TLCD3B: variants seen among roughly 807,000 people sequenced by gnomAD.
The protein encoded by TLCD3B is TLC domain containing 3B, also known as ceramide synthase.
TLCD3B carries 9 observed loss-of-function variants against 23.0 expected under a neutral mutation model. The ratio of observed to expected loss-of-function variants is 0.39; its 90% CI spans 0.24 to 0.68. TLCD3B has a LOEUF of 0.68. TLCD3B is among the 30% of genes least tolerant of loss of function. The pLI, the probability that TLCD3B is intolerant of heterozygous loss-of-function variation, is 0.44. For synonymous variants in TLCD3B, 161 were observed against 161.0 expected (o/e 1.00, Z 0.00); for missense variants, 307 against 371.8 (o/e 0.83, Z 1.43).
At chr16:30,040,147 A>AAAAAATATATATAT in intron 3 of TLCD3B, among the ~76,000 whole-genome samples, 9 of 95,906 alleles carry the variant, frequency 9.4e-5, no homozygotes, top group Non-Finnish European at 1.6e-4. Context: ...AAAAAAAAAA[A>AAAAAATATATATAT]ATATATATAT....
In TLCD3B at chr16:30,030,869, G is replaced by A; in HGVS notation, c.-342C>T. 1 of 861,976 alleles carries A rather than the reference G, an allele frequency of 1.2e-6. No individual in the cohort carries two copies. The highest frequency in any genetic ancestry group is 1.4e-6 in the Non-Finnish European group (1 of 713,750). The allele number at this position is 861,976 out of a possible 1,614,324, so 53.4% of individuals were successfully genotyped here. ...AGGAGGAGGATGCGGATGGGGGAGGGGAGGGAGCCACCAGGCAGGTGGGGA... is the reference window on the plus strand; with the variant it reads ...AGGAGGAGGATGCGGATGGGGGAGGAGAGGGAGCCACCAGGCAGGTGGGGA... On this transcript the variant is annotated 5_prime_UTR_variant, in exon 1 of 5. Coordinates refer to ENST00000380495, the MANE Select transcript of TLCD3B (RefSeq NM_031478.6).
At chr16:30,028,305 C>T (rs761647178) in intron 2 of TLCD3B, among the ~76,000 whole-genome samples, 4 of 152,058 alleles carry the variant, frequency 2.6e-5, no homozygotes, top group Non-Finnish European at 5.9e-5. Flanking sequence ...CAGCTGCTGC[C>T]CTGGATTAAC....
At chr16:30,040,131 C>T (rs1438510668) in intron 3 of TLCD3B, among the ~76,000 whole-genome samples, 1 of 43,096 alleles carries the variant, frequency 2.3e-5, no homozygotes, top group Non-Finnish European at 4.3e-5. Context: ...AAGACTTTGT[C>T]TCAAAAAAAA....
chr16:30,045,340 GTT>G (rs1322526465), intron 2 of TLCD3B, among the ~76,000 whole-genome samples: 3 of 141,536 alleles, frequency 2.1e-5, no homozygotes, highest in African/African-American at 5.2e-5. Context: ...GTTTGTGTGT[GTT>G]TGTGTGTGTG....
intron 1 of TLCD3B, among the ~76,000 whole-genome samples, chr16:30,051,726 G>A (rs1272978956): frequency 2.0e-5 from 3 of 152,072 alleles, no homozygotes; most frequent in Admixed American, 6.6e-5. Context: ...TGAGAAGTGC[G>A]AGAACAACAG....
intron 1 of TLCD3B, 77 bp downstream of exon 1, chr16:30,030,326 G>C: frequency 7.1e-7 from 1 of 1,410,550 alleles, no homozygotes; most frequent in Non-Finnish European, 9.7e-7. Context: ...TGAGGGTCCA[G>C]AGAAGTGCCA....
rs1174500430 is a variant in TLCD3B, at chr16:30,029,623, C to T, written c.126-108G>A. On this transcript the variant is annotated intron_variant, in intron 1 of 4. Coordinates refer to ENST00000380495, the MANE Select transcript of TLCD3B (RefSeq NM_031478.6). The surrounding 1 kb of genome is among the most constrained non-coding windows in gnomAD (Gnocchi z 4.6). ...CTGCGCTTTGCGTTCAGCCACTTCT[C>T]GGGCCAGTCCTTGCCTGCCTTCGCC... The T allele has an allele frequency of 3.1e-6, 3 of 959,410 alleles. No homozygotes were observed. Among genetic ancestry groups the T allele is most frequent in the African/African-American group, 1.6e-5 (1 of 61,764 alleles). 59.4% of individuals were successfully genotyped at this position (959,410 alleles called of 1,614,324 possible).
intron 3 of TLCD3B, 149 bp downstream of exon 3, chr16:30,026,460 C>A (rs1249803988): frequency 5.6e-6 from 4 of 717,684 alleles, no homozygotes; most frequent in Non-Finnish European, 9.2e-6. Flanking sequence ...GCTCAGTGAA[C>A]CCTGCCTGTC....
upstream of TLCD3B, among the ~76,000 whole-genome samples, chr16:30,033,982 T>C (rs1326689876): frequency 6.6e-6 from 1 of 150,700 alleles, no homozygotes; most frequent in Non-Finnish European, 1.5e-5. Context: ...ATAAAAAGAA[T>C]TGGGAGACAG....
chr16:30,030,856 C>T lies in TLCD3B; in HGVS notation c.-329G>A, dbSNP rs2071337071. ...AAGAGGGGACAGGAGGAGGAGGATG[C>T]GGATGGGGGAGGGGAGGGAGCCACC... is the stretch of plus-strand genomic sequence containing the variant. On this transcript the variant is annotated 5_prime_UTR_variant, in exon 1 of 5. Transcript: ENST00000380495. The T allele has an allele frequency of 1.9e-5, 14 of 741,728 alleles. No individual in the cohort carries two copies. Among genetic ancestry groups the T allele is most frequent in the African/African-American group, 4.9e-5 (2 of 40,460 alleles). 45.9% of individuals were successfully genotyped at this position (741,728 alleles called of 1,614,324 possible). A position where few individuals can be genotyped will look rare whatever the true frequency, so the allele number is the denominator to read the frequency against.
In TLCD3B at chr16:30,029,493, T is replaced by C. The variant is rs768206359; in HGVS notation, c.148A>G (p.Ile50Val). The C allele has an allele frequency of 6.2e-7, 1 of 1,613,834 alleles. No homozygotes were observed. Among genetic ancestry groups the C allele is most frequent in the Non-Finnish European group, 8.5e-7 (1 of 1,179,926 alleles). ...ATGTAGCCGGCAGTGGAGGCCATGA[T>C]GGCCTGGACAGAGGACACCAGCCTG... ...SARLVSSVQA[I>V]MASTAGYIVS... The change falls in exon 2 of 5, where the codon ATC becomes GTC. Residue 50 changes from isoleucine to valine, a missense_variant. Coordinates refer to ENST00000380495, the MANE Select transcript of TLCD3B (RefSeq NM_031478.6). This position sits in a 1 kb window ranked among gnomAD's most constrained non-coding sequence, Gnocchi z 4.6.
chr16:30,035,800 T>TG (rs2150988933), upstream of TLCD3B, among the ~76,000 whole-genome samples: 3 of 151,580 alleles, frequency 2.0e-5, no homozygotes, highest in South Asian at 6.3e-4. Flanking sequence ...CTTACTCTTG[T>TG]TGCCCAGGCT....
Position 30,025,188 on chromosome 16 carries a change from C to T in TLCD3B, c.820G>A (p.Asp274Asn). 6.8e-7 allele frequency: 1 copy of T among 1,470,554 alleles called. No individual in the cohort carries two copies. The highest frequency in any genetic ancestry group is 9.0e-7 in the Non-Finnish European group (1 of 1,116,600). 91.1% of individuals were successfully genotyped at this position (1,470,554 alleles called of 1,614,324 possible). A position where few individuals can be genotyped will look rare whatever the true frequency, so the allele number is the denominator to read the frequency against. The change falls in exon 5 of 5, where the codon GAC (aspartate) becomes AAC (asparagine). Residue 274 changes from aspartate to asparagine, a missense_variant. By Grantham distance (23) the Asp-to-Asn change is conservative (BLOSUM62 1). Transcript: ENST00000380495. The surrounding 1 kb of genome is among the most constrained non-coding windows in gnomAD (Gnocchi z 4.1). ...SRPPPACQAQD is the reference protein window; with the variant it reads ...SRPPPACQAQN ...GAGGGTCCCGGCCCCCGGCCTCAGT[C>T]CTGGGCCTGGCAGGCCGGGGGCGGC...
rs2071164113 is a variant in TLCD3B, at chr16:30,026,852, CAG to C, written c.210-11_210-10del. On this transcript the variant is annotated splice_polypyrimidine_tract_variant and intron_variant, in intron 2 of 4. Coordinates refer to ENST00000380495, the MANE Select transcript of TLCD3B (RefSeq NM_031478.6). Reference sequence around the variant, plus strand: ...CAGAGGACAGCCAGTGTCTGTTGGGCAGAGAGACGGGGTGGGGGAGCAAGGAG... The same window carrying C: ...CAGAGGACAGCCAGTGTCTGTTGGGCAGAGACGGGGTGGGGGAGCAAGGAG... The C allele has an allele frequency of 6.2e-7, 1 of 1,612,218 alleles. No individual in the cohort carries two copies. The highest frequency in any genetic ancestry group is 1.7e-4 in the Middle Eastern group (1 of 6,060).
In TLCD3B at chr16:30,030,433, T is replaced by A; in HGVS notation, c.95A>T (p.Glu32Val). Residue 32 changes from glutamate to valine, a missense_variant, in exon 1 of 5, where the codon GAG becomes GTG. Coordinates refer to ENST00000380495, the MANE Select transcript of TLCD3B (RefSeq NM_031478.6). ...TGAGACAATGACTGCGTCGGCCTCC[T>A]CCCAGCGTAGCTGGGGCAGCCGCTG... ...TLQRLPQLRWEEADAVIVSAR... is the reference protein window; with the variant it reads ...TLQRLPQLRWVEADAVIVSAR... 6.2e-7 allele frequency: 1 copy of A among 1,601,904 alleles called. No homozygotes were observed. Among genetic ancestry groups the A allele is most frequent in the Non-Finnish European group, 8.5e-7 (1 of 1,175,228 alleles).
chr16:30,050,743 G>A (rs1043109960), intron 1 of TLCD3B, among the ~76,000 whole-genome samples: 1 of 152,166 alleles, frequency 6.6e-6, no homozygotes, highest in African/African-American at 2.4e-5. Flanking sequence ...TTGGATCCAG[G>A]GACACAGCCC....
At chr16:30,045,092 CAAAAAA>C (rs1162281544) in intron 2 of TLCD3B, among the ~76,000 whole-genome samples, 5 of 22,224 alleles carry the variant, frequency 2.2e-4, no homozygotes, top group South Asian at 2.7e-3. Context: ...GACTCCATCT[CAAAAAA>C]AAAAAAAAAA....
chr16:30,029,380 C>T lies in TLCD3B; in HGVS notation c.209+52G>A, dbSNP rs2071281481. 3 of 1,521,130 alleles carry T rather than the reference C, an allele frequency of 2.0e-6. No homozygotes were observed. The highest frequency in any genetic ancestry group is 2.3e-5 in the East Asian group (1 of 44,200). 94.2% of individuals were successfully genotyped at this position (1,521,130 alleles called of 1,614,324 possible). On this transcript the variant is annotated intron_variant, in intron 2 of 4. Coordinates refer to ENST00000380495, the MANE Select transcript of TLCD3B (RefSeq NM_031478.6). The surrounding 1 kb of genome is among the most constrained non-coding windows in gnomAD (Gnocchi z 4.6). ...AGATGTGGGGTCTTCCGGGATTACC[C>T]GTACACGCCAACCACTGGCACCTGG...
intron 2 of TLCD3B, among the ~76,000 whole-genome samples, chr16:30,045,047 C>A (rs2071638739): frequency 8.4e-6 from 1 of 119,576 alleles, no homozygotes; most frequent in African/African-American, 3.2e-5. Context: ...GAGCCAAGAT[C>A]GTGTCACTGT....
Sources: gnomAD v4.1 joint callset for allele counts (sites outside exome capture counted in the v4.1 genomes callset) on GRCh38, gnomAD v4.1.1 for gene constraint, Gnocchi (gnomAD v3.1) non-coding constraint, MANE v1.5 for transcripts, NCBI Gene and HGNC (gene_info 2026-07-23, HGNC 2026-07-21) for gene names.